Variants in C12orf75 observed in about 807,000 individuals in gnomAD.
C12orf75 encodes the protein chromosome 12 open reading frame 75.
C12orf75 carries 4 observed loss-of-function variants against 11.4 expected under a neutral mutation model. The observed-to-expected ratio is 0.35, with a 90% confidence interval of 0.17 to 0.80. The LOEUF (loss-of-function observed/expected upper bound fraction) is 0.80, where lower values mean the gene tolerates loss of function less well. Among genes scored for constraint, C12orf75 ranks in the 30% least tolerant of loss-of-function variants. The probability of loss-of-function intolerance (pLI) is 0.52; values close to 1 mark genes in which losing one functional copy is unlikely to be tolerated. For synonymous variants in C12orf75, 30 were observed against 30.0 expected, an observed-to-expected ratio of 1.00 and a Z score of 0.00; for missense variants, 89 against 80.4, an observed-to-expected ratio of 1.11 and a Z score of -0.41.
chr12:105,337,589 CCA>C (rs1349151603), intron 1 of C12orf75, among the ~76,000 whole-genome samples: 5 of 152,056 alleles, frequency 3.3e-5, no homozygotes, highest in African/African-American at 1.2e-4. Context: ...GTTCTCAGAA[CCA>C]GGTGGCATCT....
At chr12:105,332,854 A>G (rs1396526571) in intron 1 of C12orf75, among the ~76,000 whole-genome samples, 1 of 151,314 alleles carries the variant, frequency 6.6e-6, no homozygotes, top group Admixed American at 6.6e-5. Flanking sequence ...TTGGGGAAAT[A>G]TGATTATCTT....
Position 105,334,591 on chromosome 12 carries a change from C to A in C12orf75, c.46+3654C>A, listed in dbSNP as rs573661996. On this transcript the variant is annotated intron_variant, in intron 1 of 5. Transcript: ENST00000443585. ...ATATAAAGGATGCAGCATATTTTTTCTGCATGGTCTGGAGTCTAGACCCCA... is the reference window on the plus strand; with the variant it reads ...ATATAAAGGATGCAGCATATTTTTTATGCATGGTCTGGAGTCTAGACCCCA... Among the ~76,000 whole-genome samples the A allele has an allele frequency of 1.2e-3, 180 of 152,278 alleles. 2 individuals are homozygous for A. The highest frequency in any genetic ancestry group is 7.2e-4 in the Admixed American group (11 of 15,300).
At chr12:105,343,007 C>T (rs1441955298) in intron 1 of C12orf75, among the ~76,000 whole-genome samples, 4 of 152,168 alleles carry the variant, frequency 2.6e-5, no homozygotes, top group Non-Finnish European at 5.9e-5. Context: ...ATACTGTAAA[C>T]AACCAACAGT....
chr12:105,355,445 GGT>G (rs2136147869), intron 2 of C12orf75, among the ~76,000 whole-genome samples: 1 of 152,320 alleles, frequency 6.6e-6, no homozygotes, highest in African/African-American at 2.4e-5. Flanking sequence ...TAGGATTACA[GGT>G]GTGTGCCACT....
chr12:105,338,736 AG>A (rs1183359852), intron 1 of C12orf75, among the ~76,000 whole-genome samples: 2 of 151,992 alleles, frequency 1.3e-5, no homozygotes, highest in African/African-American at 4.8e-5. Flanking sequence ...GAGAGAAGGG[AG>A]GGAGGTGCCA....
chr12:105,357,807 T>TGTGTGTGTGTGTGTGTGTGA (rs1491090986), intron 2 of C12orf75, among the ~76,000 whole-genome samples: 53 of 122,960 alleles, frequency 4.3e-4, no homozygotes, highest in African/African-American at 1.4e-3. Context: ...TGTGTGTGTG[T>TGTGTGTGTGTGTGTGTGTGA]GAGAGAGAGA....
At chr12:105,334,250 G>C (rs1174653370) in intron 1 of C12orf75, among the ~76,000 whole-genome samples, 1 of 152,216 alleles carries the variant, frequency 6.6e-6, no homozygotes, top group African/African-American at 2.4e-5. Context: ...GGGCAACGCT[G>C]GGGGCAGCCA....
In C12orf75 at chr12:105,367,956, C is replaced by T. The variant is rs1358569885; in HGVS notation, c.*33+447C>T. The stretch of plus-strand genomic sequence containing the variant: ...CAGAACTCCAGTAGAGATGGGCAAT[C>T]GGTCAATTAAGTCCCAAACACTTAA... On this transcript the variant is annotated intron_variant, in intron 5 of 5. Coordinates refer to ENST00000443585, the MANE Select transcript of C12orf75 (RefSeq NM_001145199.2). Among the ~76,000 whole-genome samples, 8 of 152,210 alleles carry T rather than the reference C, an allele frequency of 5.3e-5. No homozygotes were observed. The South Asian group carries it at 6.2e-4, about 12-fold the overall frequency.
At chr12:105,337,737 A>C (rs1892514269) in intron 1 of C12orf75, among the ~76,000 whole-genome samples, 1 of 152,248 alleles carries the variant, frequency 6.6e-6, no homozygotes, top group Admixed American at 6.5e-5. Context: ...ACTCTAGTGC[A>C]GTAAGCAACT....
intron 1 of C12orf75, among the ~76,000 whole-genome samples, chr12:105,343,425 T>G (rs1892597793): frequency 6.6e-6 from 1 of 152,230 alleles, no homozygotes. Flanking sequence ...ACATATTTGC[T>G]TAATAAATGA....
chr12:105,345,184 A>G (rs1210962083), intron 1 of C12orf75, among the ~76,000 whole-genome samples: 2 of 152,064 alleles, frequency 1.3e-5, no homozygotes, highest in Non-Finnish European at 2.9e-5. Flanking sequence ...TACCAACATG[A>G]CAGCAGGCTC....
intron 1 of C12orf75, among the ~76,000 whole-genome samples, chr12:105,343,235 T>C (rs977896713): frequency 4.6e-5 from 7 of 152,188 alleles, no homozygotes; most frequent in African/African-American, 1.2e-4. Flanking sequence ...GTGTTTTTTT[T>C]CCCCACAAGA....
chr12:105,362,163 G>T lies in C12orf75; in HGVS notation c.72-3644G>T, dbSNP rs187505313. Among the ~76,000 whole-genome samples the T allele has an allele frequency of 4.6e-4, 70 of 152,072 alleles. 1 individual carries two copies. The East Asian group carries it at 0.011, about 24-fold the overall frequency. On this transcript the variant is annotated intron_variant, in intron 2 of 5. Transcript: ENST00000443585. ...GCACTTTGGGAGGCCGAGGCGGGCG[G>T]ATCACGAGGTCAGGAGATCGAGACC...
intron 4 of C12orf75, 96 bp downstream of exon 4, chr12:105,366,792 CCT>C (rs1871484992): frequency 1.6e-5 from 12 of 757,180 alleles, no homozygotes; most frequent in Non-Finnish European, 2.3e-5. Flanking sequence ...CTCGACTCAA[CCT>C]ATGTATTGGT....
intron 2 of C12orf75, among the ~76,000 whole-genome samples, chr12:105,361,130 G>A (rs1892860083): frequency 6.6e-6 from 1 of 152,036 alleles, no homozygotes. Flanking sequence ...AGGGAGGCTC[G>A]TGTGATCCTC....
intron 2 of C12orf75, among the ~76,000 whole-genome samples, chr12:105,354,711 A>G (rs1044427669): frequency 4.2e-4 from 64 of 152,298 alleles, no homozygotes; most frequent in African/African-American, 1.5e-3. Flanking sequence ...ATTGGTAGCC[A>G]TGATGAGATT....
chr12:105,341,730 A>G (rs1232588170), intron 1 of C12orf75, among the ~76,000 whole-genome samples: 1 of 152,170 alleles, frequency 6.6e-6, no homozygotes, highest in African/African-American at 2.4e-5. Context: ...CCAACCTGGA[A>G]GCTCACTGAA....
chr12:105,339,759 G>C (rs902724469), intron 1 of C12orf75, among the ~76,000 whole-genome samples: 1 of 151,916 alleles, frequency 6.6e-6, no homozygotes, highest in Admixed American at 6.6e-5. Context: ...TGGGACTATA[G>C]GCGCCCGCCA....
intron 2 of C12orf75, among the ~76,000 whole-genome samples, chr12:105,351,140 A>C (rs1416247662): frequency 6.6e-6 from 1 of 152,206 alleles, no homozygotes; most frequent in East Asian, 1.9e-4. Context: ...TAGATTTATA[A>C]ATCTTGACTG....
Sources: allele counts gnomAD v4.1 joint callset (sites outside exome capture counted in the v4.1 genomes callset), GRCh38; gene constraint gnomAD v4.1.1; transcripts MANE v1.5; gene names NCBI Gene and HGNC (gene_info 2026-07-23, HGNC 2026-07-21).